The following KDM4C variants were observed in gnomAD, a reference collection of about 807,000 sequenced individuals.
KDM4C encodes lysine-specific demethylase 4C.
Under a neutral mutation model 129.3 loss-of-function variants are expected in KDM4C, and 81 were observed. That is an observed-to-expected ratio of 0.63 (90% CI 0.52 to 0.75). The LOEUF (loss-of-function observed/expected upper bound fraction) is 0.75. Ranked by LOEUF, KDM4C falls within the 30% of genes least tolerant of loss-of-function variation. The pLI is 0.00. For missense variants in KDM4C, 1,457 were observed against 1,304.0 expected, an observed-to-expected ratio of 1.12 and a Z score of -1.81; for synonymous variants, 573 against 456.1, an observed-to-expected ratio of 1.26 and a Z score of -3.26.
At chr9:6,771,499 C>T (rs975774353) in intron 1 of KDM4C, among the ~76,000 whole-genome samples, 5 of 151,304 alleles carry the variant, frequency 3.3e-5, no homozygotes, top group African/African-American at 7.3e-5. Context: ...TTAGTAGAGA[C>T]GGGGTTTCTC....
intron 19 of KDM4C, among the ~76,000 whole-genome samples, chr9:7,135,668 G>A (rs929381405): frequency 6.6e-6 from 1 of 152,218 alleles, no homozygotes; most frequent in Non-Finnish European, 1.5e-5. Flanking sequence ...AGATGTAGGA[G>A]GAGTGACATG....
chr9:6,981,911 A>G (rs1445075746), intron 9 of KDM4C: 3 of 237,650 alleles, frequency 1.3e-5, no homozygotes, highest in South Asian at 1.1e-4. Flanking sequence ...AAGGAATCCC[A>G]TATCACTCAT....
At chr9:6,826,894 A>G (rs1176226907) in intron 4 of KDM4C, among the ~76,000 whole-genome samples, 1 of 151,816 alleles carries the variant, frequency 6.6e-6, no homozygotes, top group East Asian at 1.9e-4. Context: ...AATGTATCTT[A>G]TTTTTATTGT....
chr9:7,103,218 A>G (rs1157404833), intron 17 of KDM4C, among the ~76,000 whole-genome samples: 2 of 152,180 alleles, frequency 1.3e-5, no homozygotes, highest in South Asian at 2.1e-4. Flanking sequence ...ACTTGCCCCT[A>G]TGCTGTTTGG....
intron 1 of KDM4C, among the ~76,000 whole-genome samples, chr9:6,780,702 A>T (rs1328755574): frequency 8.0e-6 from 1 of 125,196 alleles, no homozygotes; most frequent in Non-Finnish European, 1.6e-5. Flanking sequence ...AGGGAGGTAG[A>T]GGTTGCAGTG....
rs906103864 is a variant in KDM4C, at chr9:6,758,710, G to C, written c.-18+507G>C. Among the ~76,000 whole-genome samples the C allele has an allele frequency of 9.9e-5, 15 of 152,264 alleles. No homozygotes were observed. The highest frequency in any genetic ancestry group is 2.2e-4 in the African/African-American group (9 of 41,482). ...TCATTCGGGGTCGTCTTCAGCCCTCGCGGCTGTCCTTTTGGTGTTTCTTTC... is the reference window on the plus strand; with the variant it reads ...TCATTCGGGGTCGTCTTCAGCCCTCCCGGCTGTCCTTTTGGTGTTTCTTTC... On this transcript the variant is annotated intron_variant, in intron 1 of 21. Transcript: ENST00000381309. This position sits in a 1 kb window ranked among gnomAD's most constrained non-coding sequence, Gnocchi z 4.6.
At chr9:6,803,144 C>G (rs763496690) in intron 2 of KDM4C, among the ~76,000 whole-genome samples, 5 of 152,144 alleles carry the variant, frequency 3.3e-5, no homozygotes, top group Admixed American at 6.6e-5. Flanking sequence ...GGGCCTGTAT[C>G]GTGCCAGCAA....
intron 1 of KDM4C, among the ~76,000 whole-genome samples, chr9:6,741,924 C>CT (rs1420167578): frequency 1.1e-4 from 16 of 145,408 alleles, no homozygotes; most frequent in Non-Finnish European, 1.1e-4. Context: ...ACAGTTTTTT[C>CT]TTTTTTTTTT....
At chr9:6,933,304 CAT>C (rs1824103456) in intron 8 of KDM4C, among the ~76,000 whole-genome samples, 1 of 152,168 alleles carries the variant, frequency 6.6e-6, no homozygotes, top group African/African-American at 2.4e-5. Context: ...CTGAAGGTGA[CAT>C]ATTATGCCTA....
intron 1 of KDM4C, chr9:6,748,786 A>C: frequency 1.4e-6 from 2 of 1,387,028 alleles, no homozygotes; most frequent in Non-Finnish European, 2.1e-6. Context: ...TTTGTTTTCG[A>C]ATGAATCTCT....
At chr9:6,907,916 C>A (rs958212553) in intron 8 of KDM4C, among the ~76,000 whole-genome samples, 1 of 152,138 alleles carries the variant, frequency 6.6e-6, no homozygotes, top group Non-Finnish European at 1.5e-5. Flanking sequence ...TAAATATTAA[C>A]ATATTAAATT....
chr9:7,143,586 A>C (rs1046715788), intron 19 of KDM4C, among the ~76,000 whole-genome samples: 4 of 152,186 alleles, frequency 2.6e-5, no homozygotes, highest in Non-Finnish European at 5.9e-5. Context: ...TGTTTGGATA[A>C]ATCTAACAAT....
rs1206825184 is a variant in KDM4C, at chr9:6,869,714, C to G, written c.630-10298C>G. Among the ~76,000 whole-genome samples, 8 of 152,340 alleles carry G rather than the reference C, an allele frequency of 5.3e-5. No individual in the cohort carries two copies. In the East Asian group the frequency reaches 1.5e-3, roughly 29 times the overall value. On this transcript the variant is annotated intron_variant, in intron 5 of 21. Coordinates refer to ENST00000381309, the MANE Select transcript of KDM4C (RefSeq NM_015061.6). ...GCATGTGGGCCGCCATTCCCTCCCT[C>G]TTCAAGGGGTATGTTCTTGGGGGAG... is the stretch of plus-strand genomic sequence containing the variant.
At chr9:6,776,543 A>G (rs560334970) in intron 1 of KDM4C, among the ~76,000 whole-genome samples, 26 of 150,378 alleles carry the variant, frequency 1.7e-4, no homozygotes, top group African/African-American at 6.4e-4. Flanking sequence ...CCCAGCCTCA[A>G]CACATCTTTC....
chr9:6,968,358 C>T (rs1231114176), intron 8 of KDM4C, among the ~76,000 whole-genome samples: 1 of 151,940 alleles, frequency 6.6e-6, no homozygotes, highest in Non-Finnish European at 1.5e-5. Flanking sequence ...AATTACTTGC[C>T]ATTGAGGAAA....
At chr9:7,157,797 A>T (rs957939374) in intron 19 of KDM4C, among the ~76,000 whole-genome samples, 12 of 152,042 alleles carry the variant, frequency 7.9e-5, no homozygotes, top group Admixed American at 5.2e-4. Flanking sequence ...CTCATCAGGG[A>T]TATTGGTCAA....
At chr9:6,921,641 C>T (rs1821534153) in intron 8 of KDM4C, among the ~76,000 whole-genome samples, 1 of 152,202 alleles carries the variant, frequency 6.6e-6, no homozygotes, top group Admixed American at 6.5e-5. Flanking sequence ...TATTCGGCAG[C>T]CAGCATGACA....
At chr9:6,783,718 T>G (rs1824860724) in intron 1 of KDM4C, among the ~76,000 whole-genome samples, 1 of 152,212 alleles carries the variant, frequency 6.6e-6, no homozygotes, top group Non-Finnish European at 1.5e-5. Flanking sequence ...GGAGAGGCTT[T>G]TCTGGTTTCA....
intron 8 of KDM4C, among the ~76,000 whole-genome samples, chr9:6,914,035 T>C (rs1008053143): frequency 6.6e-6 from 1 of 152,240 alleles, no homozygotes; most frequent in Admixed American, 6.5e-5. Flanking sequence ...GAGACTGTTA[T>C]TTGTTTACAA....
Sources: allele counts gnomAD v4.1 joint callset (sites outside exome capture counted in the v4.1 genomes callset), GRCh38; gene constraint gnomAD v4.1.1; non-coding constraint Gnocchi (gnomAD v3.1); transcripts MANE v1.5; gene names NCBI Gene and HGNC (gene_info 2026-07-23, HGNC 2026-07-21).